CSTPP1: variants seen among roughly 807,000 people sequenced by gnomAD.
CSTPP1 encodes centriolar satellite-associated tubulin polyglutamylase complex regulator 1, also known as UPF0705 protein C11orf49.
At chr11:47,056,847 T>G in the CSTPP1 span, among the ~76,000 whole-genome samples, 1,079 of 152,330 alleles carry the variant, frequency 7.1e-3, 3 homozygotes, top group Non-Finnish European at 0.012. Flanking sequence ...ACCTACCTAC[T>G]CAGTGGAACT....
chr11:47,081,500 T>C, the CSTPP1 span, among the ~76,000 whole-genome samples: 1 of 152,200 alleles, frequency 6.6e-6, no homozygotes, highest in Admixed American at 6.5e-5. Context: ...CTACTCAAAC[T>C]CACACTGCCA....
At chr11:47,103,872 G>A in the CSTPP1 span, 1 of 151,748 alleles carries the variant, frequency 6.6e-6, no homozygotes, top group East Asian at 1.9e-4. Flanking sequence ...GTCTCACTAT[G>A]TTGCCCAGGA....
chr11:47,092,073 T>C, the CSTPP1 span, among the ~76,000 whole-genome samples: 1 of 152,232 alleles, frequency 6.6e-6, no homozygotes, highest in Admixed American at 6.5e-5. Context: ...CATTATACTT[T>C]CTCCTTGTAT....
the CSTPP1 span, among the ~76,000 whole-genome samples, chr11:46,945,984 T>C: frequency 6.6e-6 from 1 of 152,218 alleles, no homozygotes; most frequent in African/African-American, 2.4e-5. Flanking sequence ...AATGGGCCTT[T>C]TGGGAGTTGT....
the CSTPP1 span, among the ~76,000 whole-genome samples, chr11:46,976,841 C>T: frequency 6.6e-6 from 1 of 152,268 alleles, no homozygotes; most frequent in East Asian, 1.9e-4. Context: ...GAAGTTGACC[C>T]TCCCTATACG....
chr11:47,100,447 C>T, the CSTPP1 span, among the ~76,000 whole-genome samples: 1 of 152,196 alleles, frequency 6.6e-6, no homozygotes, highest in South Asian at 2.1e-4. Flanking sequence ...AATGAACTTC[C>T]ATTGCTGTAG....
At chr11:46,969,282 T>C in the CSTPP1 span, among the ~76,000 whole-genome samples, 7 of 152,180 alleles carry the variant, frequency 4.6e-5, no homozygotes, top group Admixed American at 1.3e-4. Context: ...GGGTTGGACA[T>C]TGTGTATTGA....
chr11:47,027,966 C>G, the CSTPP1 span, among the ~76,000 whole-genome samples: 3 of 150,552 alleles, frequency 2.0e-5, no homozygotes, highest in Non-Finnish European at 4.4e-5. Flanking sequence ...CTCTGTTGCC[C>G]AGGCTGGAGT....
chr11:47,083,345 A>C, the CSTPP1 span, among the ~76,000 whole-genome samples: 123 of 152,254 alleles, frequency 8.1e-4, no homozygotes, highest in Non-Finnish European at 1.1e-3. Context: ...TTGTCTATCC[A>C]TTCATCCATT....
the CSTPP1 span, chr11:46,987,536 A>T: frequency 4.3e-6 from 2 of 465,050 alleles, no homozygotes; most frequent in African/African-American, 3.8e-5. Flanking sequence ...CAGTAGCTTA[A>T]CAACTGCTTG....
the CSTPP1 span, among the ~76,000 whole-genome samples, chr11:46,978,236 G>T: frequency 1.2e-4 from 19 of 152,206 alleles, no homozygotes; most frequent in Non-Finnish European, 2.5e-4. Flanking sequence ...AGAAATAACT[G>T]TGTATCAAGG....
At chr11:47,140,796 G>T in the CSTPP1 span, among the ~76,000 whole-genome samples, 1 of 151,172 alleles carries the variant, frequency 6.6e-6, no homozygotes, top group African/African-American at 2.4e-5. Context: ...GATAAACTCA[G>T]CATCCTTAAA....
the CSTPP1 span, among the ~76,000 whole-genome samples, chr11:47,053,543 C>CTGGGGGACAGAGGTTGCCG: frequency 6.6e-6 from 1 of 150,836 alleles, no homozygotes; most frequent in East Asian, 2.0e-4. Context: ...CGTTTGAACC[C>CTGGGGGACAGAGGTTGCCG]TGGGGGACAG....
the CSTPP1 span, among the ~76,000 whole-genome samples, chr11:46,953,106 C>T: frequency 6.6e-6 from 1 of 152,020 alleles, no homozygotes; most frequent in Non-Finnish European, 1.5e-5. Context: ...ATACCAGATG[C>T]CTCAGAGAGG....
the CSTPP1 span, among the ~76,000 whole-genome samples, chr11:46,945,420 G>A: frequency 6.6e-6 from 1 of 152,020 alleles, no homozygotes; most frequent in Admixed American, 6.5e-5. Context: ...TTCGAGACCA[G>A]CTTGGCCAAC....
At chr11:47,114,231 G>A in the CSTPP1 span, among the ~76,000 whole-genome samples, 1 of 152,118 alleles carries the variant, frequency 6.6e-6, no homozygotes, top group South Asian at 2.1e-4. Context: ...ACCAGTACCA[G>A]GCTGTTTTGG....
chr11:47,155,141 CATTCTCTCTCTCAG>C, the CSTPP1 span: 11 of 1,546,464 alleles, frequency 7.1e-6, no homozygotes, highest in Non-Finnish European at 9.8e-6. Flanking sequence ...ACCTCTCCCC[CATTCTCTCTCTCAG>C]ATTCTCTCTT....
the CSTPP1 span, among the ~76,000 whole-genome samples, chr11:47,116,308 A>G: frequency 6.6e-6 from 1 of 152,130 alleles, no homozygotes; most frequent in Non-Finnish European, 1.5e-5. Context: ...TTGGGGTGGA[A>G]AGTTCTGTAG....
At chr11:46,944,238 A>G in the CSTPP1 span, among the ~76,000 whole-genome samples, 1 of 149,596 alleles carries the variant, frequency 6.7e-6, no homozygotes, top group African/African-American at 2.5e-5. Context: ...GAATTGCTTG[A>G]ACCCGGGAGG....
Sources: gnomAD v4.1 joint callset for allele counts (sites outside exome capture counted in the v4.1 genomes callset) on GRCh38, gnomAD v4.1.1 for gene constraint, MANE v1.5 for transcripts, NCBI Gene and HGNC (gene_info 2026-07-23, HGNC 2026-07-21) for gene names.